The following RMST variants were observed in gnomAD, a reference collection of about 807,000 sequenced individuals.
RMST encodes the protein long intergenic non-protein coding RNA 54.
chr12:97,560,476 G>A (rs942276135), intron 11 of RMST: 16 of 152,154 alleles, frequency 1.1e-4, no homozygotes, highest in African/African-American at 3.9e-4. Flanking sequence ...TTAAAAGAGA[G>A]AGCAAGACTG....
intron 5 of RMST, among the ~76,000 whole-genome samples, chr12:97,486,188 C>T (rs944962821): frequency 1.3e-5 from 2 of 152,180 alleles, no homozygotes; most frequent in African/African-American, 4.8e-5. Context: ...ACAAGTTTTC[C>T]GCCTTTGTCT....
intron 13 of RMST, among the ~76,000 whole-genome samples, chr12:97,561,236 T>C (rs909215705): frequency 2.6e-5 from 4 of 152,216 alleles, no homozygotes; most frequent in Non-Finnish European, 5.9e-5. Context: ...TTTGTAAATA[T>C]GCAAAAATCA....
intron 10 of RMST, among the ~76,000 whole-genome samples, chr12:97,512,055 T>C (rs974123709): frequency 6.6e-6 from 1 of 152,172 alleles, no homozygotes; most frequent in African/African-American, 2.4e-5. Context: ...CCTTCTGATG[T>C]TCAGATGTGT....
At chr12:97,559,802 C>T (rs775060582) in intron 11 of RMST, among the ~76,000 whole-genome samples, 3 of 152,082 alleles carry the variant, frequency 2.0e-5, no homozygotes, top group Non-Finnish European at 4.4e-5. Flanking sequence ...CAAACTATTA[C>T]GCATAATGAA....
At chr12:97,496,137 G>GT (rs996474640) in intron 10 of RMST, 5 of 152,088 alleles carry the variant, frequency 3.3e-5, no homozygotes, top group Non-Finnish European at 7.3e-5. Flanking sequence ...CAGTTGGGGG[G>GT]AGAAATGAAA....
At chr12:97,502,585 C>T (rs1346704176) in intron 10 of RMST, among the ~76,000 whole-genome samples, 2 of 152,142 alleles carry the variant, frequency 1.3e-5, no homozygotes, top group African/African-American at 2.4e-5. Flanking sequence ...CTCAGCCTCC[C>T]GAGTAGCTCA....
chr12:97,550,643 A>C (rs780019671), intron 11 of RMST, among the ~76,000 whole-genome samples: 13 of 152,042 alleles, frequency 8.6e-5, no homozygotes, highest in Non-Finnish European at 1.9e-4. Context: ...CATAAGATAA[A>C]ATATTTCTGT....
At chr12:97,562,066 CTGAG>C (rs1159240468) in intron 13 of RMST, among the ~76,000 whole-genome samples, 1 of 152,102 alleles carries the variant, frequency 6.6e-6, no homozygotes, top group African/African-American at 2.4e-5. Flanking sequence ...AAGTTCTCTC[CTGAG>C]TCTCTAGTTT....
chr12:97,522,455 G>T (rs538868067), intron 10 of RMST, among the ~76,000 whole-genome samples: 1 of 152,278 alleles, frequency 6.6e-6, no homozygotes, highest in South Asian at 2.1e-4. Flanking sequence ...GCTATGAACT[G>T]CCATTAAATG....
chr12:97,545,336 G>A (rs545642166), intron 11 of RMST, among the ~76,000 whole-genome samples: 43 of 152,116 alleles, frequency 2.8e-4, no homozygotes, highest in South Asian at 2.3e-3. Flanking sequence ...TTGACATTGC[G>A]AGTATAGAGG....
At chr12:97,521,023 AAAATG>A (rs1880457944) in intron 10 of RMST, among the ~76,000 whole-genome samples, 1 of 152,214 alleles carries the variant, frequency 6.6e-6, no homozygotes, top group Non-Finnish European at 1.5e-5. Context: ...ACAAATCTTT[AAAATG>A]AAATGTATAC....
At chr12:97,536,814 C>A (rs1268000600) in intron 11 of RMST, among the ~76,000 whole-genome samples, 1 of 151,342 alleles carries the variant, frequency 6.6e-6, no homozygotes, top group Non-Finnish European at 1.5e-5. Context: ...TTAAAATGAT[C>A]CAGGTTTCTT....
chr12:97,545,704 G>A (rs1461338514), intron 11 of RMST, among the ~76,000 whole-genome samples: 1 of 152,018 alleles, frequency 6.6e-6, no homozygotes, highest in Non-Finnish European at 1.5e-5. Flanking sequence ...TTTTCATTAG[G>A]ACTATAAAAT....
At chr12:97,476,801 GAGATAT>G (rs1874602562) in intron 5 of RMST, among the ~76,000 whole-genome samples, 2 of 152,066 alleles carry the variant, frequency 1.3e-5, no homozygotes, top group African/African-American at 4.8e-5. Flanking sequence ...TCTAAAAAAA[GAGATAT>G]AGATATAATA....
intron 5 of RMST, among the ~76,000 whole-genome samples, chr12:97,470,460 A>G (rs1297224705): frequency 2.0e-5 from 3 of 152,040 alleles, no homozygotes; most frequent in Non-Finnish European, 4.4e-5. Context: ...GAGGAAGAGA[A>G]TGACAATGGA....
intron 10 of RMST, among the ~76,000 whole-genome samples, chr12:97,506,675 G>GTTTTTTTT (rs780505590): frequency 9.1e-5 from 7 of 76,962 alleles, no homozygotes; most frequent in East Asian, 4.2e-4. Flanking sequence ...AGGGTAATCT[G>GTTTTTTTT]TTTTTTTTTT....
rs74850468 is a variant in RMST at position 97,536,951 on chromosome 12, A to T, written n.1545+6092A>T. 7.9e-5 allele frequency among the ~76,000 whole-genome samples: 12 copies of T among 151,642 alleles called. No homozygotes were observed. The East Asian group carries it at 2.3e-3, about 29-fold the overall frequency. ...GAACCGATTAAAATATTTAATCAAA[A>T]TGATCAGTTTGGTTTATGTTTGGAG... On this transcript the variant is annotated intron_variant and non_coding_transcript_variant, in intron 11 of 13. Coordinates refer to ENST00000640149, the Ensembl canonical transcript of RMST.
chr12:97,500,559 T>C (rs1263042422), intron 10 of RMST, among the ~76,000 whole-genome samples: 1 of 152,238 alleles, frequency 6.6e-6, no homozygotes, highest in African/African-American at 2.4e-5. Context: ...TAAACCACTC[T>C]GTGACACTGG....
At chr12:97,498,011 A>G (rs2136468553) in intron 10 of RMST, among the ~76,000 whole-genome samples, 1 of 152,312 alleles carries the variant, frequency 6.6e-6, no homozygotes, top group East Asian at 1.9e-4. Flanking sequence ...ACACATATTT[A>G]CTGAGCAGAC....
Sources: gnomAD v4.1 joint callset for allele counts (sites outside exome capture counted in the v4.1 genomes callset) on GRCh38, gnomAD v4.1.1 for gene constraint, MANE v1.5 for transcripts, NCBI Gene and HGNC (gene_info 2026-07-23, HGNC 2026-07-21) for gene names.